The following SNTG1 variants were observed in gnomAD, a reference collection of about 807,000 sequenced individuals.
SNTG1 encodes the protein gamma-1-syntrophin.
A neutral mutation model predicts 74.7 loss-of-function variants in SNTG1; 39 were observed. That is an observed-to-expected ratio of 0.52 (90% CI 0.40 to 0.68). The LOEUF (loss-of-function observed/expected upper bound fraction) is 0.68. Among genes scored for constraint, SNTG1 ranks in the 30% least tolerant of loss-of-function variants. SNTG1 has a pLI of 0.00. For missense variants in SNTG1, 685 were observed against 609.5 expected, an observed-to-expected ratio of 1.12 and a Z score of -1.30; for synonymous variants, 254 against 217.1, an observed-to-expected ratio of 1.17 and a Z score of -1.49.
At chr8:50,354,020 T>C (rs1432995778) in intron 2 of SNTG1, among the ~76,000 whole-genome samples, 1 of 152,150 alleles carries the variant, frequency 6.6e-6, no homozygotes, top group Non-Finnish European at 1.5e-5. Flanking sequence ...AGTTTCCCTA[T>C]CTAGAAAGGG....
At chr8:50,102,644 T>C (rs2131243890) in intron 1 of SNTG1, among the ~76,000 whole-genome samples, 1 of 149,550 alleles carries the variant, frequency 6.7e-6, no homozygotes, top group South Asian at 2.1e-4. Flanking sequence ...CATGCCTATG[T>C]CCTGAATGGT....
chr8:49,998,272 A>C (rs1465129389), intron 1 of SNTG1, among the ~76,000 whole-genome samples: 1 of 152,162 alleles, frequency 6.6e-6, no homozygotes, highest in African/African-American at 2.4e-5. Flanking sequence ...TGAGTGAGTG[A>C]GTGGTGACTG....
At chr8:50,104,950 A>G (rs1384441329) in intron 1 of SNTG1, among the ~76,000 whole-genome samples, 1 of 152,106 alleles carries the variant, frequency 6.6e-6, no homozygotes, top group African/African-American at 2.4e-5. Flanking sequence ...CTGTTGTAGG[A>G]TGCAGAATTT....
intron 8 of SNTG1, among the ~76,000 whole-genome samples, chr8:50,472,361 T>TGAA (rs1163664594): frequency 3.9e-5 from 6 of 152,174 alleles, no homozygotes; most frequent in Admixed American, 3.9e-4. Flanking sequence ...GTAGATGTGA[T>TGAA]GAAGAGAATA....
intron 2 of SNTG1, among the ~76,000 whole-genome samples, chr8:50,215,697 T>A (rs1414967159): frequency 6.6e-6 from 1 of 151,966 alleles, no homozygotes; most frequent in Non-Finnish European, 1.5e-5. Context: ...CCAAGCTCTC[T>A]CCTTTCAAAA....
chr8:50,633,875 C>T (rs761592758), intron 13 of SNTG1, among the ~76,000 whole-genome samples: 4 of 152,118 alleles, frequency 2.6e-5, no homozygotes, highest in South Asian at 2.1e-4. Flanking sequence ...ATTGGGATTC[C>T]ATGGAAGGTT....
intron 18 of SNTG1, among the ~76,000 whole-genome samples, chr8:50,763,726 G>T (rs909563360): frequency 6.8e-6 from 1 of 146,140 alleles, no homozygotes; most frequent in African/African-American, 2.5e-5. Context: ...ATAATTCTGT[G>T]TTCAGGGATT....
rs1350711341 is a variant in SNTG1 at position 50,698,641 on chromosome 8, ACTGCTGCTAGTTTTCAG to A, written c.1039-5958_1039-5942del. On this transcript the variant is annotated intron_variant, in intron 15 of 18. Transcript: ENST00000642720. ...AGCCTCTTTAATGACAAAGGCTGCC[ACTGCTGCTAGTTTTCAG>A]GACTGTGCACAGCTTGCAAAGAGCT... 1.2e-4 allele frequency among the ~76,000 whole-genome samples: 19 copies of A among 152,224 alleles called. No individual in the cohort carries two copies. The South Asian group carries it at 3.9e-3, about 32-fold the overall frequency.
At chr8:50,436,639 G>A in intron 4 of SNTG1, among the ~76,000 whole-genome samples, 1 of 152,094 alleles carries the variant, frequency 6.6e-6, no homozygotes, top group East Asian at 1.9e-4. Flanking sequence ...GTAGCTATTA[G>A]CATCATTGGC....
At chr8:50,335,255 G>A (rs561547406) in intron 2 of SNTG1, among the ~76,000 whole-genome samples, 3 of 152,178 alleles carry the variant, frequency 2.0e-5, no homozygotes, top group Admixed American at 2.0e-4. Context: ...CACAAACTTG[G>A]TGGTTTAGAA....
At chr8:50,137,749 G>A (rs924671803) in intron 1 of SNTG1, among the ~76,000 whole-genome samples, 2 of 152,100 alleles carry the variant, frequency 1.3e-5, no homozygotes, top group Non-Finnish European at 2.9e-5. Flanking sequence ...CCAGGCAGGA[G>A]GCAGCTTCCT....
intron 2 of SNTG1, among the ~76,000 whole-genome samples, chr8:50,298,477 T>G (rs2089493897): frequency 6.6e-6 from 1 of 152,248 alleles, no homozygotes; most frequent in East Asian, 1.9e-4. Flanking sequence ...GCCCATGCAA[T>G]GTACAGCTAG....
At chr8:50,289,958 G>T (rs1486587818) in intron 2 of SNTG1, among the ~76,000 whole-genome samples, 1 of 152,106 alleles carries the variant, frequency 6.6e-6, no homozygotes, top group African/African-American at 2.4e-5. Context: ...AATTTGATTG[G>T]GCATCTGTTG....
chr8:50,088,309 G>A (rs1823109504), intron 1 of SNTG1, among the ~76,000 whole-genome samples: 3 of 145,432 alleles, frequency 2.1e-5, no homozygotes, highest in Admixed American at 7.0e-5. Flanking sequence ...TACTGAATGG[G>A]CAAAAACTGG....
In SNTG1 at chr8:50,792,801, C is replaced by G. The variant is rs748971389; in HGVS notation, c.1526C>G (p.Thr509Ser). The change falls in exon 19 of 19, where the codon ACC becomes AGC. Residue 509 changes from threonine to serine, a missense_variant. Thr to Ser is a moderately conservative substitution (Grantham distance 58, BLOSUM62 1). Coordinates refer to ENST00000642720, the MANE Select transcript of SNTG1 (RefSeq NM_018967.5). Reference protein sequence around the residue: ...ATASTAASSATTSKAKYTT With the variant: ...ATASTAASSASTSKAKYTT ...GCTTCTACTGCTGCCAGCTCTGCTA[C>G]CACGAGCAAAGCAAAGTATACAACT... The G allele has an allele frequency of 6.8e-6, 11 of 1,612,156 alleles. No individual in the cohort carries two copies. In the South Asian group the frequency reaches 1.2e-4, roughly 18 times the overall value.
intron 2 of SNTG1, among the ~76,000 whole-genome samples, chr8:50,350,987 G>A (rs189898960): frequency 6.6e-6 from 1 of 152,164 alleles, no homozygotes; most frequent in Non-Finnish European, 1.5e-5. Flanking sequence ...AATAAATCTT[G>A]TTGGTGCTCA....
At chr8:50,559,046 T>C (rs2094472418) in intron 12 of SNTG1, among the ~76,000 whole-genome samples, 2 of 152,156 alleles carry the variant, frequency 1.3e-5, no homozygotes, top group Admixed American at 1.3e-4. Context: ...TGCTGAGGTT[T>C]AGAGTATAAT....
At chr8:50,232,594 G>A (rs1260577345) in intron 2 of SNTG1, among the ~76,000 whole-genome samples, 1 of 151,388 alleles carries the variant, frequency 6.6e-6, no homozygotes, top group Non-Finnish European at 1.5e-5. Context: ...AACAGTGCGA[G>A]ATGACTTGGA....
At chr8:50,148,279 A>G (rs1484312891) in intron 1 of SNTG1, among the ~76,000 whole-genome samples, 1 of 152,214 alleles carries the variant, frequency 6.6e-6, no homozygotes, top group Admixed American at 6.6e-5. Context: ...AGAATAATAT[A>G]TGTTGATATA....
Sources: gnomAD v4.1 joint callset for allele counts (sites outside exome capture counted in the v4.1 genomes callset) on GRCh38, gnomAD v4.1.1 for gene constraint, MANE v1.5 for transcripts, NCBI Gene and HGNC (gene_info 2026-07-23, HGNC 2026-07-21) for gene names.